The following BRD7 variants were observed in gnomAD, a reference collection of about 807,000 sequenced individuals.
BRD7 encodes the protein bromodomain containing 7, also known as bromodomain-containing protein 7.
BRD7 carries 15 observed loss-of-function variants against 82.1 expected under a neutral mutation model. The observed-to-expected ratio is 0.18, with a 90% confidence interval of 0.12 to 0.28. BRD7 has a LOEUF of 0.28. Ranked by LOEUF, BRD7 falls within the 10% of genes least tolerant of loss-of-function variation. The pLI is 1.00. For missense variants in BRD7, 638 were observed against 779.9 expected, an observed-to-expected ratio of 0.82 and a Z score of 2.17; for synonymous variants, 232 against 266.9, an observed-to-expected ratio of 0.87 and a Z score of 1.27.
rs1421327399 is a variant in BRD7, at chr16:50,333,569, A to G, written c.1011+5T>C. The G allele has an allele frequency of 6.2e-7, 1 of 1,610,120 alleles. No homozygotes were observed. Among genetic ancestry groups the G allele is most frequent in the African/African-American group, 1.3e-5 (1 of 74,688 alleles). ...TAGAGAAAAGAAAAGGCAAAGCTCAATCACCTGACTGTTCACAAGCCGCCT... is the reference window on the plus strand; with the variant it reads ...TAGAGAAAAGAAAAGGCAAAGCTCAGTCACCTGACTGTTCACAAGCCGCCT... On this transcript the variant is annotated splice_donor_5th_base_variant and intron_variant, in intron 8 of 16. Transcript: ENST00000394688.
rs750594623 is a variant in BRD7 at position 50,334,848 on chromosome 16, C to G, written c.750G>C (p.Leu250Phe). The stretch of plus-strand genomic sequence containing the variant: ...CATCTTTCTGCTTTCGAGTTTTCTG[C>G]AAGTCAGCCATGAAGTCTATGCTCT... ...LKQSIDFMAD[L>F]QKTRKQKDGT... is the part of the protein sequence containing the mutation. Residue 250 changes from leucine to phenylalanine, a missense_variant, in exon 7 of 17, where the codon TTG (leucine) becomes TTC (phenylalanine). Transcript: ENST00000394688. 1 of 1,614,180 alleles carries G rather than the reference C, an allele frequency of 6.2e-7. No homozygotes were observed. The highest frequency in any genetic ancestry group is 1.7e-5 in the Admixed American group (1 of 60,018).
At chr16:50,357,813 T>C (rs570125809) in intron 2 of BRD7, among the ~76,000 whole-genome samples, 8 of 152,104 alleles carry the variant, frequency 5.3e-5, no homozygotes, top group African/African-American at 1.7e-4. Flanking sequence ...AAACTCCATC[T>C]CTACTAAAAA....
intron 1 of BRD7, 72 bp from the exon 2 acceptor site, chr16:50,368,370 T>C (rs377236235): frequency 6.7e-7 from 1 of 1,494,306 alleles, no homozygotes; most frequent in Non-Finnish European, 9.1e-7. Flanking sequence ...GTGCTAAGGA[T>C]GCAGAGCGCC....
chr16:50,355,030 T>C (rs2038678634), intron 2 of BRD7, 108 bp from the exon 3 acceptor site: 1 of 1,331,546 alleles, frequency 7.5e-7, no homozygotes, highest in African/African-American at 1.5e-5. Flanking sequence ...AAAATATTCT[T>C]AATAACAAGC....
At chr16:50,343,884 C>T (rs185245177) in intron 5 of BRD7, among the ~76,000 whole-genome samples, 5 of 152,304 alleles carry the variant, frequency 3.3e-5, no homozygotes, top group Admixed American at 1.3e-4. Flanking sequence ...CAGACTTAAA[C>T]GTCCCTGTCT....
At chr16:50,354,560 C>A in intron 3 of BRD7, 78 bp from the exon 4 acceptor site, 1 of 1,295,608 alleles carries the variant, frequency 7.7e-7, no homozygotes, top group Non-Finnish European at 1.1e-6. Context: ...TCATTTTCTA[C>A]AACCATTATT....
intron 5 of BRD7, among the ~76,000 whole-genome samples, chr16:50,345,010 C>T (rs931254693): frequency 6.6e-6 from 1 of 152,110 alleles, no homozygotes; most frequent in Admixed American, 6.5e-5. Context: ...TTAAGGGCAG[C>T]CAGAGAGAAA....
intron 4 of BRD7, among the ~76,000 whole-genome samples, chr16:50,354,187 A>T (rs564596574): frequency 1.4e-4 from 22 of 152,246 alleles, no homozygotes; most frequent in Non-Finnish European, 2.6e-4. Flanking sequence ...ATTACTTTAG[A>T]GACAGAAATT....
intron 2 of BRD7, among the ~76,000 whole-genome samples, chr16:50,362,706 T>C (rs1461776593): frequency 6.6e-6 from 1 of 152,040 alleles, no homozygotes; most frequent in Non-Finnish European, 1.5e-5. Context: ...AAAAGACAAA[T>C]ACTGTATCAT....
chr16:50,368,213 G>A lies in BRD7; in HGVS notation c.135C>T (p.Asp45=), dbSNP rs372130108. The change falls in exon 2 of 17, where the codon GAC becomes GAT. Residue 45 remains aspartate (D), a synonymous_variant. Coordinates refer to ENST00000394688, the MANE Select transcript of BRD7 (RefSeq NM_013263.5). ...TELSTGSSGH[D]SSLFEDKNDH... ...CGTTTTTGTCTTCGAAGAGGCTGGA[G>A]TCGTGCCCCGAGCTGCCCGTGGAGA... The A allele has an allele frequency of 1.4e-5, 23 of 1,614,214 alleles. No individual in the cohort carries two copies. In the African/African-American group the frequency reaches 2.5e-4, roughly 18 times the overall value.
intron 7 of BRD7, among the ~76,000 whole-genome samples, chr16:50,334,415 C>T (rs369491686): frequency 1.3e-4 from 20 of 152,294 alleles, no homozygotes; most frequent in African/African-American, 4.8e-4. Flanking sequence ...ACAAACAGTT[C>T]TATTTAAATA....
rs958798604 is a variant in BRD7, at chr16:50,316,588, A to G, written c.*2623T>C. On this transcript the variant is annotated 3_prime_UTR_variant, in exon 17 of 17. Transcript: ENST00000394688. ...AGAAGGATCTACTCCGCATGGGTGC[A>G]TGCAGAGGCTCCTGGATCTGGGAAG... 4 of 152,366 alleles carry G rather than the reference A, an allele frequency of 2.6e-5. No individual in the cohort carries two copies. The highest frequency in any genetic ancestry group is 3.7e-4 in the East Asian group (2 of 5,334). The allele number at this position is 152,366 out of a possible 1,614,324, so 9.4% of individuals were successfully genotyped here. A position where few individuals can be genotyped will look rare whatever the true frequency, so the allele number is the denominator to read the frequency against.
intron 9 of BRD7, among the ~76,000 whole-genome samples, chr16:50,326,719 A>C (rs938688714): frequency 1.3e-5 from 2 of 152,364 alleles, no homozygotes; most frequent in South Asian, 2.1e-4. Context: ...TGTTAAGATG[A>C]AAGTTAACCA....
intron 2 of BRD7, among the ~76,000 whole-genome samples, chr16:50,365,567 GA>G (rs1042286758): frequency 6.6e-6 from 1 of 151,776 alleles, no homozygotes; most frequent in African/African-American, 2.4e-5. Flanking sequence ...AAACTTAGGA[GA>G]AAAAAACAGG....
chr16:50,341,946 A>T (rs1323971325), intron 5 of BRD7, among the ~76,000 whole-genome samples: 4 of 150,170 alleles, frequency 2.7e-5, no homozygotes, highest in African/African-American at 1.0e-4. Context: ...ACACACACAC[A>T]CACACACACA....
intron 5 of BRD7, among the ~76,000 whole-genome samples, chr16:50,343,168 A>G (rs1464006714): frequency 6.6e-6 from 1 of 152,182 alleles, no homozygotes; most frequent in Non-Finnish European, 1.5e-5. Context: ...AGTACATGTG[A>G]TATGGTTTGG....
At position 50,318,931 on chromosome 16, in the gene BRD7, G is replaced by T; in HGVS notation, c.*280C>A. The T allele has an allele frequency of 6.1e-6, 2 of 330,080 alleles. No homozygotes were observed. The highest frequency in any genetic ancestry group is 2.1e-5 in the African/African-American group (1 of 46,556). 20.4% of individuals were successfully genotyped at this position (330,080 alleles called of 1,614,324 possible). ...GGCCGTTTTAAGAACGCTTCTTAGT[G>T]ATGATCCTGTCTGTGGGACATAAGG... On this transcript the variant is annotated 3_prime_UTR_variant, in exon 17 of 17. Transcript: ENST00000394688.
At position 50,319,011 on chromosome 16, in the gene BRD7, C is replaced by G. The variant is rs2036949224; in HGVS notation, c.*200G>C. The G allele has an allele frequency of 1.8e-6, 1 of 569,628 alleles. No homozygotes were observed. The highest frequency in any genetic ancestry group is 3.4e-5 in the Admixed American group (1 of 29,108). The allele number at this position is 569,628 out of a possible 1,614,324, so 35.3% of individuals were successfully genotyped here. Reference sequence around the variant, plus strand: ...GAATGCTGCACAGGTATGGCAACAGCCCCAAGCACATTCCTTCCTCACGAG... The same window carrying G: ...GAATGCTGCACAGGTATGGCAACAGGCCCAAGCACATTCCTTCCTCACGAG... On this transcript the variant is annotated 3_prime_UTR_variant, in exon 17 of 17. Transcript: ENST00000394688.
chr16:50,322,060 G>GTGTTTC (rs780807965), intron 12 of BRD7, 22 bp from the exon 13 acceptor site: 34 of 1,578,234 alleles, frequency 2.2e-5, no homozygotes, highest in Non-Finnish European at 2.9e-5. Context: ...AAGAAAAACA[G>GTGTTTC]CTTTTTAGGA....
Sources: allele counts gnomAD v4.1 joint callset (sites outside exome capture counted in the v4.1 genomes callset), GRCh38; gene constraint gnomAD v4.1.1; transcripts MANE v1.5; gene names NCBI Gene and HGNC (gene_info 2026-07-23, HGNC 2026-07-21).